The following APBA1 variants were observed in gnomAD, a reference collection of about 807,000 sequenced individuals.
APBA1 encodes amyloid-beta A4 precursor protein-binding family A member 1.
A neutral mutation model predicts 86.6 loss-of-function variants in APBA1; 55 were observed. The observed-to-expected ratio is 0.64, with a 90% CI of 0.51 to 0.80. APBA1 has a LOEUF of 0.80. Among genes scored for constraint, APBA1 ranks in the 30% least tolerant of loss-of-function variants. The pLI, the probability that APBA1 is intolerant of heterozygous loss-of-function variation, is 0.00. For synonymous variants in APBA1, 511 were observed against 493.9 expected (o/e 1.03, Z -0.46); for missense variants, 1,090 against 1,183.0 (o/e 0.92, Z 1.15).
At chr9:69,538,822 G>A (rs1209172195) in intron 1 of APBA1, among the ~76,000 whole-genome samples, 1 of 152,154 alleles carries the variant, frequency 6.6e-6, no homozygotes. Context: ...ACTGTCCCTT[G>A]ATTTCTTTGT....
At chr9:69,556,035 C>G (rs1178533691) in intron 1 of APBA1, among the ~76,000 whole-genome samples, 1 of 151,936 alleles carries the variant, frequency 6.6e-6, no homozygotes, top group Admixed American at 6.6e-5. Flanking sequence ...AAACAAAAAC[C>G]AAACCACTTT....
chr9:69,468,202 G>A (rs1224957260), intron 4 of APBA1, among the ~76,000 whole-genome samples: 1 of 152,184 alleles, frequency 6.6e-6, no homozygotes. Context: ...GGAAAGTGAT[G>A]CAAATATTTA....
intron 1 of APBA1, among the ~76,000 whole-genome samples, chr9:69,586,591 C>T (rs1822023684): frequency 6.6e-6 from 1 of 152,168 alleles, no homozygotes; most frequent in Admixed American, 6.6e-5. Context: ...GTTTGGTGCT[C>T]TCATGAGGAC....
intron 10 of APBA1, among the ~76,000 whole-genome samples, chr9:69,441,813 C>T (rs1019915199): frequency 6.6e-6 from 1 of 152,194 alleles, no homozygotes; most frequent in Non-Finnish European, 1.5e-5. Flanking sequence ...GATGACACAC[C>T]TCTCCCTCTA....
At chr9:69,596,353 T>C (rs1403628104) in intron 1 of APBA1, among the ~76,000 whole-genome samples, 2 of 152,218 alleles carry the variant, frequency 1.3e-5, no homozygotes, top group African/African-American at 4.8e-5. Flanking sequence ...ATGGAACTTT[T>C]ATTCTTTCCA....
At chr9:69,530,208 T>C (rs1485035722) in intron 1 of APBA1, among the ~76,000 whole-genome samples, 2 of 151,838 alleles carry the variant, frequency 1.3e-5, no homozygotes, top group African/African-American at 2.4e-5. Context: ...CACATGCACT[T>C]ATATGTTCAT....
At chr9:69,596,859 T>C (rs1419745817) in intron 1 of APBA1, among the ~76,000 whole-genome samples, 2 of 152,216 alleles carry the variant, frequency 1.3e-5, no homozygotes, top group Non-Finnish European at 2.9e-5. Flanking sequence ...TGCATAGGTC[T>C]TCCTAAAACT....
intron 1 of APBA1, among the ~76,000 whole-genome samples, chr9:69,571,023 G>A (rs1219556342): frequency 6.6e-5 from 10 of 152,090 alleles, no homozygotes; most frequent in African/African-American, 2.4e-4. Context: ...CGTGGATGGT[G>A]GATTCTAATC....
chr9:69,537,445 G>T (rs1485349726), intron 1 of APBA1, among the ~76,000 whole-genome samples: 1 of 151,978 alleles, frequency 6.6e-6, no homozygotes, highest in Non-Finnish European at 1.5e-5. Flanking sequence ...GAGCACATGG[G>T]GATCCATCCT....
At chr9:69,447,400 G>T (rs1246892567) in intron 10 of APBA1, among the ~76,000 whole-genome samples, 1 of 152,146 alleles carries the variant, frequency 6.6e-6, no homozygotes, top group African/African-American at 2.4e-5. Flanking sequence ...CGCTCAGGCA[G>T]TTTCTCAACC....
intron 1 of APBA1, among the ~76,000 whole-genome samples, chr9:69,556,272 A>C (rs1356329233): frequency 6.6e-6 from 1 of 152,198 alleles, no homozygotes; most frequent in Non-Finnish European, 1.5e-5. Context: ...GATCTAAAAC[A>C]AAATCAAGTT....
chr9:69,473,808 G>A (rs571977130), intron 3 of APBA1, among the ~76,000 whole-genome samples: 66 of 152,084 alleles, frequency 4.3e-4, no homozygotes, highest in Non-Finnish European at 8.1e-4. Flanking sequence ...CTATGCATGA[G>A]CTCATGACTA....
chr9:69,599,954 CG>C (rs1326345759), intron 1 of APBA1, among the ~76,000 whole-genome samples: 2 of 152,178 alleles, frequency 1.3e-5, no homozygotes, highest in Admixed American at 6.5e-5. Context: ...TCACTTTGCC[CG>C]GTAGCGTTTC....
At chr9:69,532,565 C>CTCA (rs1441703000) in intron 1 of APBA1, among the ~76,000 whole-genome samples, 4 of 152,372 alleles carry the variant, frequency 2.6e-5, no homozygotes, top group Admixed American at 2.6e-4. Context: ...AAAGTGCCTG[C>CTCA]TCATGCATTG....
intron 1 of APBA1, among the ~76,000 whole-genome samples, chr9:69,638,389 C>T (rs551566561): frequency 9.9e-5 from 15 of 152,162 alleles, no homozygotes; most frequent in South Asian, 2.1e-4. Flanking sequence ...TACAGGCATG[C>T]GCCACCATGC....
At chr9:69,482,073 T>C (rs1480150303) in intron 2 of APBA1, among the ~76,000 whole-genome samples, 3 of 151,678 alleles carry the variant, frequency 2.0e-5, no homozygotes, top group African/African-American at 7.3e-5. Context: ...AAGGACTTCA[T>C]GTCCAAAACA....
chr9:69,531,620 C>A (rs1836435201), intron 1 of APBA1, among the ~76,000 whole-genome samples: 1 of 152,196 alleles, frequency 6.6e-6, no homozygotes, highest in African/African-American at 2.4e-5. Context: ...CCACAGCTCA[C>A]CCACTGCCCC....
chr9:69,449,737 C>T lies in APBA1; in HGVS notation c.2028G>A (p.Trp676Ter), dbSNP rs1392356339. The T allele has an allele frequency of 6.2e-7, 1 of 1,614,042 alleles. No individual in the cohort carries two copies. The highest frequency in any genetic ancestry group is 8.5e-7 in the Non-Finnish European group (1 of 1,180,014). ...TGATCACGGTGGGGAGGATGGATCCCCAGCCAGACTCCACAATCACCACAC... is the reference window on the plus strand; with the variant it reads ...TGATCACGGTGGGGAGGATGGATCCTCAGCCAGACTCCACAATCACCACAC... ...ILGVVIVESG[W>*]GSILPTVIIA... Residue 676 changes from tryptophan to a stop codon, truncating the protein, a stop_gained, in exon 10 of 13, where the codon TGG becomes TGA. Transcript: ENST00000265381. LOFTEE classifies it high-confidence loss of function.
chr9:69,465,293 G>A (rs1006233362), intron 5 of APBA1: 1 of 152,200 alleles, frequency 6.6e-6, no homozygotes, highest in African/African-American at 2.4e-5. Flanking sequence ...CCAGGCTTTT[G>A]TGCTTCCACC....
Sources: gnomAD v4.1 joint callset for allele counts (sites outside exome capture counted in the v4.1 genomes callset) on GRCh38, gnomAD v4.1.1 for gene constraint, MANE v1.5 for transcripts, NCBI Gene and HGNC (gene_info 2026-07-23, HGNC 2026-07-21) for gene names.